HTR1E: variants seen among roughly 807,000 people sequenced by gnomAD.
HTR1E encodes the protein 5-hydroxytryptamine receptor 1E.
HTR1E carries 3 observed loss-of-function variants against 3.4 expected under a neutral mutation model. The observed-to-expected ratio is 0.89, with a 90% confidence interval of 0.41 to 2.31. The LOEUF (loss-of-function observed/expected upper bound fraction) is 2.31. Among genes scored for constraint, HTR1E ranks in the 30% most tolerant of loss-of-function variants. The pLI is 0.05. For missense variants in HTR1E, 392 were observed against 467.0 expected (o/e 0.84, Z 1.48); for synonymous variants, 170 against 182.8 (o/e 0.93, Z 0.56).
intron 1 of HTR1E, among the ~76,000 whole-genome samples, chr6:86,959,096 T>C (rs1401941256): frequency 1.3e-5 from 2 of 151,884 alleles, no homozygotes; most frequent in Admixed American, 6.6e-5. Flanking sequence ...AGAGCTGATA[T>C]TGCAACTCAA....
At chr6:86,991,681 A>C (rs974861185) in intron 1 of HTR1E, among the ~76,000 whole-genome samples, 5 of 152,178 alleles carry the variant, frequency 3.3e-5, no homozygotes, top group African/African-American at 1.2e-4. Flanking sequence ...GAACAAACTA[A>C]GTCTTATTTG....
chr6:86,947,886 T>A (rs1166346651), intron 1 of HTR1E, among the ~76,000 whole-genome samples: 1 of 152,194 alleles, frequency 6.6e-6, no homozygotes, highest in East Asian at 1.9e-4. Flanking sequence ...AAAATTTTAC[T>A]TTAAGTTTGG....
At chr6:87,005,107 A>G (rs1250103907) in intron 1 of HTR1E, among the ~76,000 whole-genome samples, 2 of 152,222 alleles carry the variant, frequency 1.3e-5, no homozygotes, top group Admixed American at 6.5e-5. Flanking sequence ...AAAAGTGAAA[A>G]GATATTCCAT....
intron 1 of HTR1E, among the ~76,000 whole-genome samples, chr6:86,999,341 A>C (rs560496693): frequency 1.3e-5 from 2 of 152,300 alleles, no homozygotes; most frequent in East Asian, 3.9e-4. Flanking sequence ...ATCCTCTAAC[A>C]ATACAAAAAA....
intron 1 of HTR1E, among the ~76,000 whole-genome samples, chr6:87,014,143 G>C (rs1243256979): frequency 1.3e-5 from 2 of 151,922 alleles, no homozygotes; most frequent in East Asian, 3.9e-4. Context: ...ATAGCATTAG[G>C]AGAAATACCT....
chr6:86,974,411 C>T (rs938944960), intron 1 of HTR1E, among the ~76,000 whole-genome samples: 1 of 152,152 alleles, frequency 6.6e-6, no homozygotes, highest in African/African-American at 2.4e-5. Flanking sequence ...TCTCTTTAAT[C>T]TCATTCAATC....
chr6:86,944,223 C>G (rs1010128439), intron 1 of HTR1E, among the ~76,000 whole-genome samples: 2 of 152,146 alleles, frequency 1.3e-5, no homozygotes, highest in Non-Finnish European at 2.9e-5. Context: ...AGTGATATCC[C>G]ATGGCTTCTG....
intron 1 of HTR1E, among the ~76,000 whole-genome samples, chr6:87,014,561 GC>G (rs1384031933): frequency 2.0e-5 from 3 of 152,122 alleles, no homozygotes; most frequent in Non-Finnish European, 4.4e-5. Flanking sequence ...CAACCCAAAT[GC>G]CCATCAGTGA....
At chr6:86,971,705 A>T (rs1460272833) in intron 1 of HTR1E, among the ~76,000 whole-genome samples, 1 of 152,056 alleles carries the variant, frequency 6.6e-6, no homozygotes, top group Non-Finnish European at 1.5e-5. Context: ...TTTATTTTTT[A>T]ATTTTATTTT....
At chr6:86,938,881 T>C (rs1000258787) in intron 1 of HTR1E, among the ~76,000 whole-genome samples, 3 of 152,222 alleles carry the variant, frequency 2.0e-5, no homozygotes, top group African/African-American at 7.2e-5. Flanking sequence ...CTCCAGAATA[T>C]ATATTTATCA....
chr6:86,974,563 A>T (rs1468511689), intron 1 of HTR1E, among the ~76,000 whole-genome samples: 2 of 152,154 alleles, frequency 1.3e-5, no homozygotes, highest in Non-Finnish European at 2.9e-5. Flanking sequence ...ATATCACAGA[A>T]GTGATGATTT....
At chr6:86,995,292 T>TAATATAATAAATA (rs1554183760) in intron 1 of HTR1E, among the ~76,000 whole-genome samples, 2 of 144,074 alleles carry the variant, frequency 1.4e-5, no homozygotes, top group African/African-American at 5.3e-5. Flanking sequence ...CTCTATAATA[T>TAATATAATAAATA]AATAAATAAA....
intron 1 of HTR1E, among the ~76,000 whole-genome samples, chr6:86,996,912 T>TA (rs905350197): frequency 1.3e-5 from 2 of 150,726 alleles, no homozygotes; most frequent in African/African-American, 4.9e-5. Context: ...GCAAAGGCAG[T>TA]AAAAAAAAAG....
At chr6:86,962,413 A>G (rs1170266263) in intron 1 of HTR1E, among the ~76,000 whole-genome samples, 3 of 152,222 alleles carry the variant, frequency 2.0e-5, no homozygotes, top group Non-Finnish European at 2.9e-5. Flanking sequence ...GACCACATAT[A>G]CAATGGTGGT....
intron 1 of HTR1E, among the ~76,000 whole-genome samples, chr6:86,967,501 T>C (rs1055156720): frequency 6.6e-6 from 1 of 152,194 alleles, no homozygotes; most frequent in Non-Finnish European, 1.5e-5. Context: ...CAATGATCCA[T>C]AAATAGCTAT....
At position 86,974,317 on chromosome 6, in the gene HTR1E, T is replaced by C. The variant is rs573619519; in HGVS notation, c.-186+36494T>C. The stretch of plus-strand genomic sequence containing the variant: ...AAATCAGAAAATTAATATTGAAATA[T>C]TAATGCCATCTGTTCCTCAGTCCAG... On this transcript the variant is annotated intron_variant, in intron 1 of 1. Coordinates refer to ENST00000305344, the MANE Select transcript of HTR1E (RefSeq NM_000865.3). Among the ~76,000 whole-genome samples the C allele has an allele frequency of 7.9e-5, 12 of 152,342 alleles. No individual in the cohort carries two copies. The East Asian group carries it at 2.1e-3, about 27-fold the overall frequency.
At chr6:86,981,365 T>TCTAA (rs1767709057) in intron 1 of HTR1E, among the ~76,000 whole-genome samples, 1 of 152,220 alleles carries the variant, frequency 6.6e-6, no homozygotes, top group Admixed American at 6.5e-5. Context: ...TTTCTGTGGG[T>TCTAA]CTAAGAGTTA....
At chr6:86,975,483 T>A (rs1767617292) in intron 1 of HTR1E, among the ~76,000 whole-genome samples, 1 of 152,024 alleles carries the variant, frequency 6.6e-6, no homozygotes, top group African/African-American at 2.4e-5. Flanking sequence ...GCTCCATCTA[T>A]ATATTCTCCT....
At chr6:87,009,649 C>T (rs1283643399) in intron 1 of HTR1E, among the ~76,000 whole-genome samples, 2 of 145,502 alleles carry the variant, frequency 1.4e-5, no homozygotes, top group African/African-American at 2.6e-5. Context: ...CGGGCAGAGG[C>T]GCCCCTCACC....
Sources: gnomAD v4.1 joint callset for allele counts (sites outside exome capture counted in the v4.1 genomes callset) on GRCh38, gnomAD v4.1.1 for gene constraint, MANE v1.5 for transcripts, NCBI Gene and HGNC (gene_info 2026-07-23, HGNC 2026-07-21) for gene names.